HSPB7: variants seen among roughly 807,000 people sequenced by gnomAD.
HSPB7 encodes the protein heat shock protein family B (small) member 7.
In HSPB7, 9 loss-of-function variants were observed where a neutral mutation model predicts 11.0. The observed-to-expected ratio is 0.82, with a 90% CI of 0.49 to 1.43. HSPB7 has a LOEUF of 1.43. HSPB7 is among the 40% of genes most tolerant of loss of function. The pLI is 0.00. For synonymous variants in HSPB7, 102 were observed against 101.6 expected (o/e 1.00, Z -0.02); for missense variants, 246 against 243.9 (o/e 1.01, Z -0.06).
upstream of HSPB7, chr1:16,018,961 G>A (rs1386463990): frequency 1.9e-6 from 2 of 1,034,192 alleles, no homozygotes; most frequent in Middle Eastern, 3.2e-4. Context: ...GGAAAGGGCG[G>A]GGCTCGCAGT....
At chr1:16,016,401 C>T (rs546122985) in intron 2 of HSPB7, among the ~76,000 whole-genome samples, 1 of 152,208 alleles carries the variant, frequency 6.6e-6, no homozygotes, top group Admixed American at 6.5e-5. Context: ...CTGGGCAACG[C>T]CCCTGTTCAG....
chr1:16,016,691 C>T (rs1046458307), intron 2 of HSPB7, among the ~76,000 whole-genome samples: 2 of 152,032 alleles, frequency 1.3e-5, no homozygotes, highest in Admixed American at 6.5e-5. Flanking sequence ...CCCACCTACC[C>T]GCATCCGCCC....
intron 2 of HSPB7, among the ~76,000 whole-genome samples, chr1:16,016,327 C>T (rs1368833629): frequency 6.6e-6 from 1 of 152,160 alleles, no homozygotes; most frequent in African/African-American, 2.4e-5. Flanking sequence ...GAAGCCAGTC[C>T]TTGGGGGCTT....
rs1418963656 is a variant in HSPB7, at chr1:16,017,721, C to G, written c.199+44G>C. ...CGGTGGCGCCCTGGAGCAGACGTCC[C>G]CTCCCTGTGCACCTCCCCTCCCCTC... On this transcript the variant is annotated intron_variant, in intron 1 of 2. Coordinates refer to ENST00000311890, the MANE Select transcript of HSPB7 (RefSeq NM_014424.5). 4.7e-6 allele frequency: 7 copies of G among 1,488,558 alleles called. No homozygotes were observed. The African/African-American group carries it at 8.5e-5, about 18-fold the overall frequency. The allele number at this position is 1,488,558 out of a possible 1,614,324, so 92.2% of individuals were successfully genotyped here. A position where few individuals can be genotyped will look rare whatever the true frequency, so the allele number is the denominator to read the frequency against.
Position 16,015,402 on chromosome 1 carries a change from C to A in HSPB7, c.*178G>T. The A allele has an allele frequency of 1.7e-6, 1 of 591,014 alleles. No homozygotes were observed. Among genetic ancestry groups the A allele is most frequent in the Non-Finnish European group, 3.0e-6 (1 of 335,968 alleles). 36.6% of individuals were successfully genotyped at this position (591,014 alleles called of 1,614,324 possible). ...GCATCATGTGTCAGGCCAGGGAGTC[C>A]CTGGCCTGCCCTGGATAGAGTGGAG... is the stretch of plus-strand genomic sequence containing the variant. On this transcript the variant is annotated 3_prime_UTR_variant, in exon 3 of 3. Coordinates refer to ENST00000311890, the MANE Select transcript of HSPB7 (RefSeq NM_014424.5). This position sits in a 1 kb window ranked among gnomAD's most constrained non-coding sequence, Gnocchi z 4.9.
At position 16,015,289 on chromosome 1, in the gene HSPB7, G is replaced by A. The variant is rs988791609; in HGVS notation, c.*291C>T. 5.1e-6 allele frequency: 2 copies of A among 395,748 alleles called. No individual in the cohort carries two copies. Among genetic ancestry groups the A allele is most frequent in the African/African-American group, 4.2e-5 (2 of 47,470 alleles). 24.5% of individuals were successfully genotyped at this position (395,748 alleles called of 1,614,324 possible). A position where few individuals can be genotyped will look rare whatever the true frequency, so the allele number is the denominator to read the frequency against. ...TATGTCCTGCTGGTCCCATTCCCCTGACCCACAGTGGGTTCTTTAGATCTT... is the reference window on the plus strand; with the variant it reads ...TATGTCCTGCTGGTCCCATTCCCCTAACCCACAGTGGGTTCTTTAGATCTT... On this transcript the variant is annotated 3_prime_UTR_variant, in exon 3 of 3. Coordinates refer to ENST00000311890, the MANE Select transcript of HSPB7 (RefSeq NM_014424.5). The surrounding 1 kb of genome is among the most constrained non-coding windows in gnomAD (Gnocchi z 4.9).
At position 16,017,876 on chromosome 1, in the gene HSPB7, C is replaced by G. The variant is rs77021870; in HGVS notation, c.88G>C (p.Ala30Pro). 2 of 1,613,894 alleles carry G rather than the reference C, an allele frequency of 1.2e-6. No individual in the cohort carries two copies. The highest frequency in any genetic ancestry group is 3.3e-5 in the Admixed American group (2 of 60,014). Reference protein sequence around the residue: ...SSSSSSTSSSASRALPAQDPP... With the variant: ...SSSSSSTSSSPSRALPAQDPP... ...TCCTGGGCCGGGAGAGCACGGGAGG[C>G]CGAGGAGGAGGTGGAAGAGGAGGAG... Residue 30 changes from alanine to proline, a missense_variant, in exon 1 of 3, where the codon GCC becomes CCC. Coordinates refer to ENST00000311890, the MANE Select transcript of HSPB7 (RefSeq NM_014424.5).
At chr1:16,018,784 G>T, upstream of HSPB7, 1 of 1,117,136 alleles carries the variant, frequency 9.0e-7, no homozygotes, top group South Asian at 3.2e-5. Flanking sequence ...TCAGTCAGAG[G>T]TAAAAGAGAA....
In HSPB7 at chr1:16,017,066, G is replaced by A. The variant is rs867387283; in HGVS notation, c.333+8C>T. ...TGGGATGCGGTGAGTAGGGGGTGGG[G>A]GGCTCACCTTCTCAGCCCGCACCTC... On this transcript the variant is annotated splice_region_variant and intron_variant, in intron 2 of 2. Coordinates refer to ENST00000311890, the MANE Select transcript of HSPB7 (RefSeq NM_014424.5). 1 of 1,604,058 alleles carries A rather than the reference G, an allele frequency of 6.2e-7. No individual in the cohort carries two copies. Among genetic ancestry groups the A allele is most frequent in the Non-Finnish European group, 8.5e-7 (1 of 1,171,654 alleles).
upstream of HSPB7, chr1:16,019,277 G>A: frequency 6.6e-7 from 1 of 1,519,122 alleles, no homozygotes. Flanking sequence ...CCCCCAGGGA[G>A]GCCTCTCTGA....
At chr1:16,019,256 C>T, upstream of HSPB7, 2 of 1,539,608 alleles carry the variant, frequency 1.3e-6, no homozygotes, top group Non-Finnish European at 1.8e-6. Context: ...AGATCAGCTC[C>T]AATGCCTCCT....
chr1:16,015,788 C>T lies in HSPB7; in HGVS notation c.334-29G>A. 1 of 1,548,954 alleles carries T rather than the reference C, an allele frequency of 6.5e-7. No individual in the cohort carries two copies. The highest frequency in any genetic ancestry group is 8.7e-7 in the Non-Finnish European group (1 of 1,146,282). On this transcript the variant is annotated intron_variant, in intron 2 of 2. Transcript: ENST00000311890. The surrounding 1 kb of genome is among the most constrained non-coding windows in gnomAD (Gnocchi z 4.9). ...GGGAAGGGGTGACCCGTCAGGCAGG[C>T]TGCCCCGACCCCTGTCCTGCTTGTG...
rs974382886 is a variant in HSPB7, at chr1:16,015,470, G to A, written c.*110C>T. The A allele has an allele frequency of 2.5e-5, 27 of 1,066,006 alleles. No homozygotes were observed. The highest frequency in any genetic ancestry group is 1.9e-4 in the South Asian group (13 of 66,786). The allele number at this position is 1,066,006 out of a possible 1,614,324, so 66.0% of individuals were successfully genotyped here. On this transcript the variant is annotated 3_prime_UTR_variant, in exon 3 of 3. Transcript: ENST00000311890. The surrounding 1 kb of genome is among the most constrained non-coding windows in gnomAD (Gnocchi z 4.9). ...ATGGTCCACCTGGGGTCTGGGGTGC[G>A]TGGGGGCTAGAACCTGGGCTGAGAT... is the stretch of plus-strand genomic sequence containing the variant.
At chr1:16,016,584 G>A (rs12758813) in intron 2 of HSPB7, among the ~76,000 whole-genome samples, 59,070 of 152,098 alleles carry the variant, frequency 0.39, 11,760 homozygotes, top group East Asian at 0.69. Context: ...TAATTTAGGG[G>A]TCCCAAGATG....
At chr1:16,019,010 T>C (rs992622472), upstream of HSPB7, 3 of 1,020,350 alleles carry the variant, frequency 2.9e-6, no homozygotes, top group African/African-American at 4.9e-5. Context: ...CCTAGATGTG[T>C]TGGACCCAAA....
chr1:16,016,829 G>C (rs3738643), intron 2 of HSPB7, among the ~76,000 whole-genome samples: 12,784 of 151,622 alleles, frequency 0.084, 788 homozygotes, highest in East Asian at 0.2. Context: ...CCCATTCCTC[G>C]GAGGCTCCCT....
At chr1:16,019,148 G>A (rs2021966009), upstream of HSPB7, 1 of 1,549,814 alleles carries the variant, frequency 6.5e-7, no homozygotes, top group Non-Finnish European at 8.7e-7. Context: ...CCCTGGGCCA[G>A]GGTGGAGGCC....
chr1:16,019,171 G>T, upstream of HSPB7: 1 of 1,550,492 alleles, frequency 6.4e-7, no homozygotes, highest in Non-Finnish European at 8.7e-7. Context: ...TCTGAGAGGC[G>T]GCCAGGCCCT....
In HSPB7 at chr1:16,015,691, C is replaced by G; in HGVS notation, c.402G>C (p.Pro134=). Residue 134 remains proline (P), a synonymous_variant, in exon 3 of 3, where the codon CCG becomes CCC. Coordinates refer to ENST00000311890, the MANE Select transcript of HSPB7 (RefSeq NM_014424.5). This position sits in a 1 kb window ranked among gnomAD's most constrained non-coding sequence, Gnocchi z 4.9. ...CCCGCAGAGCCGAGGTCACCGACGT[C>G]GGGTCCACGTCCTCCGGCAGCTGGC... ...HKCQLPEDVD[P]TSVTSALRED... The G allele has an allele frequency of 6.2e-7, 1 of 1,612,924 alleles. No homozygotes were observed. The highest frequency in any genetic ancestry group is 8.5e-7 in the Non-Finnish European group (1 of 1,179,472).
Sources: gnomAD v4.1 joint callset for allele counts (sites outside exome capture counted in the v4.1 genomes callset) on GRCh38, gnomAD v4.1.1 for gene constraint, Gnocchi (gnomAD v3.1) non-coding constraint, MANE v1.5 for transcripts, NCBI Gene and HGNC (gene_info 2026-07-23, HGNC 2026-07-21) for gene names.